HSD17B4: variants seen among roughly 807,000 people sequenced by gnomAD.
HSD17B4 encodes the protein peroxisomal multifunctional enzyme type 2.
HSD17B4 carries 70 observed loss-of-function variants against 101.0 expected under a neutral mutation model. The observed-to-expected ratio is 0.69, with a 90% confidence interval of 0.57 to 0.85. The LOEUF is 0.85. Among genes scored for constraint, HSD17B4 ranks in the 40% least tolerant of loss-of-function variants. The pLI is 0.00. For missense variants in HSD17B4, 984 were observed against 892.4 expected (o/e 1.10, Z -1.31); for synonymous variants, 347 against 297.1 (o/e 1.17, Z -1.73).
intron 8 of HSD17B4, among the ~76,000 whole-genome samples, chr5:119,487,991 G>C (rs1298947537): frequency 6.6e-6 from 1 of 152,030 alleles, no homozygotes; most frequent in Non-Finnish European, 1.5e-5. Flanking sequence ...AAGAGTTTTT[G>C]CAACTACTTT....
chr5:119,525,604 A>T, intron 18 of HSD17B4: 1 of 517,130 alleles, frequency 1.9e-6, no homozygotes, highest in Non-Finnish European at 3.5e-6. Context: ...TTAGGGAAGG[A>T]TCATGTACCT....
intron 4 of HSD17B4, 92 bp downstream of exon 4, chr5:119,474,552 C>T (rs1203961502): frequency 1.2e-6 from 1 of 801,716 alleles, no homozygotes; most frequent in Non-Finnish European, 2.3e-6. Context: ...TAAACAGATA[C>T]CTCTTTCCTC....
At chr5:119,484,049 T>A (rs1018441358) in intron 8 of HSD17B4, among the ~76,000 whole-genome samples, 7 of 152,054 alleles carry the variant, frequency 4.6e-5, no homozygotes, top group Non-Finnish European at 1.0e-4. Flanking sequence ...TCTCTTTTTT[T>A]AAAAAAAGTC....
chr5:119,521,760 T>C (rs912899477), intron 17 of HSD17B4, among the ~76,000 whole-genome samples: 3 of 152,152 alleles, frequency 2.0e-5, no homozygotes, highest in African/African-American at 7.2e-5. Flanking sequence ...GTCATCCATT[T>C]ATTTTCTTAG....
chr5:119,520,904 C>A (rs537572591), intron 17 of HSD17B4, among the ~76,000 whole-genome samples: 9 of 152,136 alleles, frequency 5.9e-5, no homozygotes, highest in African/African-American at 2.2e-4. Context: ...TTTACTTTTT[C>A]CCCTCTTATT....
chr5:119,508,490 C>G lies in HSD17B4; in HGVS notation c.1334-651C>G, dbSNP rs148996446. On this transcript the variant is annotated intron_variant, in intron 15 of 23. Transcript: ENST00000510025. ...AAATCATATTTCTAGTTTTGCAGAG[C>G]TAGATATGAAACAGATAATAATCTG... Among the ~76,000 whole-genome samples the G allele has an allele frequency of 6.0e-4, 92 of 152,232 alleles. 1 individual carries two copies. The highest frequency in any genetic ancestry group is 2.1e-3 in the African/African-American group (87 of 41,546).
intron 8 of HSD17B4, among the ~76,000 whole-genome samples, chr5:119,481,297 G>A (rs1056062573): frequency 4.6e-5 from 7 of 152,080 alleles, no homozygotes; most frequent in African/African-American, 7.2e-5. Context: ...CACAATTCAC[G>A]TTCTTCTGCC....
At chr5:119,459,661 GTA>G (rs1755017164) in intron 2 of HSD17B4, among the ~76,000 whole-genome samples, 1 of 152,128 alleles carries the variant, frequency 6.6e-6, no homozygotes, top group East Asian at 1.9e-4. Flanking sequence ...TGGGGACTCT[GTA>G]GAGTCCCGAG....
chr5:119,538,689 T>A (rs987784055), intron 23 of HSD17B4, among the ~76,000 whole-genome samples: 1 of 152,182 alleles, frequency 6.6e-6, no homozygotes, highest in Non-Finnish European at 1.5e-5. Context: ...TTTGTTGTTA[T>A]TTTGTCCTTC....
intron 17 of HSD17B4, among the ~76,000 whole-genome samples, chr5:119,517,759 G>T (rs2126846265): frequency 6.8e-6 from 1 of 146,084 alleles, no homozygotes; most frequent in East Asian, 2.0e-4. Flanking sequence ...TTTATGTCTA[G>T]CTCAGGGATT....
At chr5:119,456,091 G>A (rs1276523724) in intron 1 of HSD17B4, among the ~76,000 whole-genome samples, 1 of 152,172 alleles carries the variant, frequency 6.6e-6, no homozygotes, top group African/African-American at 2.4e-5. Context: ...AGAATGGTAG[G>A]AAGTGGTAGT....
At chr5:119,504,899 T>C (rs1458980981) in intron 14 of HSD17B4, among the ~76,000 whole-genome samples, 1 of 152,250 alleles carries the variant, frequency 6.6e-6, no homozygotes, top group Non-Finnish European at 1.5e-5. Flanking sequence ...CATCTAAATA[T>C]TTAATCCATC....
intron 17 of HSD17B4, among the ~76,000 whole-genome samples, chr5:119,524,191 G>T (rs565999802): frequency 2.0e-5 from 3 of 151,990 alleles, no homozygotes; most frequent in Admixed American, 2.0e-4. Flanking sequence ...CATTGGGAAA[G>T]TAAATAATCT....
At chr5:119,472,770 C>T (rs1005489378) in intron 2 of HSD17B4, among the ~76,000 whole-genome samples, 10 of 152,184 alleles carry the variant, frequency 6.6e-5, no homozygotes, top group African/African-American at 2.4e-4. Context: ...TGGTTATCAA[C>T]TCTCCATTTC....
chr5:119,482,897 CTT>C (rs1245498336), intron 8 of HSD17B4, among the ~76,000 whole-genome samples: 1 of 143,952 alleles, frequency 6.9e-6, no homozygotes. Context: ...CTTTTTTAGC[CTT>C]TTTTTTTTTC....
chr5:119,516,080 A>G (rs554849941), intron 17 of HSD17B4, among the ~76,000 whole-genome samples: 1 of 152,202 alleles, frequency 6.6e-6, no homozygotes, highest in Admixed American at 6.5e-5. Flanking sequence ...CCTAGCAAAT[A>G]GAATTGTAAT....
chr5:119,476,666 G>C (rs556632396), intron 6 of HSD17B4: 1 of 985,498 alleles, frequency 1.0e-6, no homozygotes, highest in South Asian at 4.7e-5. Flanking sequence ...AGAAAGATAG[G>C]ATTTGCTGGC....
intron 15 of HSD17B4, 68 bp downstream of exon 15, chr5:119,506,957 C>A (rs1751707884): frequency 3.8e-6 from 3 of 796,498 alleles, no homozygotes; most frequent in Non-Finnish European, 6.4e-6. Flanking sequence ...CATAATACTT[C>A]ACCATAGAAG....
At chr5:119,509,545 G>C (rs1751981552) in intron 16 of HSD17B4, 1 of 449,980 alleles carries the variant, frequency 2.2e-6, no homozygotes, top group African/African-American at 2.0e-5. Context: ...ATTTTTCCTA[G>C]TTTCTTCTTC....
Sources: allele counts gnomAD v4.1 joint callset (sites outside exome capture counted in the v4.1 genomes callset), GRCh38; gene constraint gnomAD v4.1.1; transcripts MANE v1.5; gene names NCBI Gene and HGNC (gene_info 2026-07-23, HGNC 2026-07-21).